The following USP13 variants were observed in gnomAD, a reference collection of about 807,000 sequenced individuals.
USP13 encodes ubiquitin specific peptidase 13.
A neutral mutation model predicts 107.8 loss-of-function variants in USP13; 68 were observed. The observed-to-expected ratio is 0.63, with a 90% CI of 0.52 to 0.77. USP13 has a LOEUF of 0.77. Ranked by LOEUF, USP13 falls within the 30% of genes least tolerant of loss-of-function variation. The pLI is 0.00. For missense variants in USP13, 945 were observed against 1,093.3 expected (o/e 0.86, Z 1.91); for synonymous variants, 377 against 389.5 (o/e 0.97, Z 0.38).
intron 2 of USP13, among the ~76,000 whole-genome samples, chr3:179,689,956 G>A (rs1325552725): frequency 6.6e-6 from 1 of 152,134 alleles, no homozygotes; most frequent in Non-Finnish European, 1.5e-5. Context: ...AGCAGGTGCT[G>A]ATTTGAAATT....
intron 19 of USP13, among the ~76,000 whole-genome samples, chr3:179,769,669 G>C (rs4854952): frequency 1.3e-5 from 2 of 152,102 alleles, no homozygotes; most frequent in East Asian, 3.9e-4. Context: ...TCTGCCTCTC[G>C]AAGTGTTAGG....
At chr3:179,667,677 G>A (rs147181561) in intron 1 of USP13, among the ~76,000 whole-genome samples, 155 of 152,086 alleles carry the variant, frequency 1.0e-3, no homozygotes, top group African/African-American at 3.5e-3. Context: ...ACAGAGTTTC[G>A]CTCTTCTTGC....
chr3:179,778,717 G>C (rs1027063433), intron 19 of USP13, among the ~76,000 whole-genome samples: 2 of 151,432 alleles, frequency 1.3e-5, no homozygotes, highest in Non-Finnish European at 2.9e-5. Flanking sequence ...AGTGAGCCGA[G>C]ATCACGCCAT....
intron 6 of USP13, among the ~76,000 whole-genome samples, chr3:179,715,541 T>A (rs948828485): frequency 6.6e-5 from 10 of 151,860 alleles, no homozygotes; most frequent in African/African-American, 2.4e-4. Context: ...ATTTTTGTAT[T>A]TTTAGTAGAG....
At chr3:179,761,298 C>T (rs1715003716) in intron 17 of USP13, 43 bp downstream of exon 17, 2 of 1,610,348 alleles carry the variant, frequency 1.2e-6, no homozygotes, top group South Asian at 1.1e-5. Flanking sequence ...TCTGATGTGA[C>T]CCTCAGTGAT....
rs555354046 is a variant in USP13, at chr3:179,769,548, C to T, written c.2413+3700C>T. Among the ~76,000 whole-genome samples the T allele has an allele frequency of 4.6e-5, 7 of 152,278 alleles. No individual in the cohort carries two copies. In the East Asian group the frequency reaches 1.2e-3, roughly 25 times the overall value. On this transcript the variant is annotated intron_variant, in intron 19 of 20. Coordinates refer to ENST00000263966, the MANE Select transcript of USP13 (RefSeq NM_003940.3). ...TCAGCCTCTCGAGTAACTGGCATTA[C>T]AGGCATGCACCATCATACCTGGCTA...
At position 179,727,808 on chromosome 3, in the gene USP13, C is replaced by A. The variant is rs1239771580; in HGVS notation, c.1089-2381C>A. On this transcript the variant is annotated intron_variant, in intron 8 of 20. Transcript: ENST00000263966. ...CTGGGCAGGGGGCTGACCCCCCCCC[C>A]ACCTCCCTCCCGGACGGGGCGGCTG... Among the ~76,000 whole-genome samples, 7 of 68,856 alleles carry A rather than the reference C, an allele frequency of 1.0e-4. 3 individuals carry two copies. The highest frequency in any genetic ancestry group is 1.0e-3 in the South Asian group (2 of 1,976). 45.2% of individuals were successfully genotyped at this position (68,856 alleles called of 152,430 possible).
At chr3:179,707,495 A>G (rs1481635115) in intron 5 of USP13, among the ~76,000 whole-genome samples, 1 of 152,066 alleles carries the variant, frequency 6.6e-6, no homozygotes, top group Non-Finnish European at 1.5e-5. Context: ...GTCTCTTGCA[A>G]TTCCCCATGT....
intron 9 of USP13, 71 bp from the exon 10 acceptor site, chr3:179,730,545 A>G (rs535076000): frequency 3.3e-5 from 42 of 1,280,694 alleles, no homozygotes; most frequent in Non-Finnish European, 4.4e-5. Context: ...ATTGATATTC[A>G]TAGATAAATT....
At chr3:179,734,791 T>C (rs540940510) in intron 10 of USP13, among the ~76,000 whole-genome samples, 59 of 152,240 alleles carry the variant, frequency 3.9e-4, no homozygotes, top group Non-Finnish European at 7.2e-4. Context: ...TCATACACTT[T>C]TGTTTTAGGG....
At chr3:179,753,567 C>A (rs567139221) in intron 14 of USP13, among the ~76,000 whole-genome samples, 26 of 152,272 alleles carry the variant, frequency 1.7e-4, no homozygotes, top group Admixed American at 1.4e-3. Flanking sequence ...TTTTAAGGAA[C>A]CTCAAAATGT....
intron 2 of USP13, among the ~76,000 whole-genome samples, chr3:179,684,948 C>G (rs1187695807): frequency 6.6e-6 from 1 of 152,022 alleles, no homozygotes; most frequent in East Asian, 1.9e-4. Context: ...TATAGATTAA[C>G]CTATAATCCA....
intron 12 of USP13, among the ~76,000 whole-genome samples, chr3:179,743,382 G>GTT (rs956359050): frequency 2.1e-5 from 3 of 139,806 alleles, no homozygotes; most frequent in East Asian, 2.2e-4. Flanking sequence ...TTTGTTTTTT[G>GTT]TTTTTTTTTT....
At position 179,740,323 on chromosome 3, in the gene USP13, G is replaced by A. The variant is rs1472289744; in HGVS notation, c.1331G>A (p.Arg444Lys). 37 of 1,613,966 alleles carry A rather than the reference G, an allele frequency of 2.3e-5. No individual in the cohort carries two copies. Among genetic ancestry groups the A allele is most frequent in the Non-Finnish European group, 3.1e-5 (37 of 1,180,042 alleles). ...AGCCACCCGGAATTCTCCTCTAACA[G>A]GCAGCAAGATGCCCAGGAATTCTTC... ...SKSHPEFSSN[R>K]QQDAQEFFLH... Residue 444 changes from arginine (R) to lysine (K), a missense_variant, in exon 11 of 21, where the codon AGG (arginine) becomes AAG (lysine). Arg to Lys is a conservative substitution (Grantham distance 26). Transcript: ENST00000263966.
intron 1 of USP13, among the ~76,000 whole-genome samples, chr3:179,664,320 C>T (rs561040939): frequency 3.3e-5 from 5 of 152,096 alleles, no homozygotes; most frequent in East Asian, 1.9e-4. Context: ...TCTCAAACTC[C>T]TGACCTCAAA....
At chr3:179,702,021 T>G (rs538776319) in intron 4 of USP13, among the ~76,000 whole-genome samples, 1 of 152,270 alleles carries the variant, frequency 6.6e-6, no homozygotes, top group East Asian at 1.9e-4. Context: ...TCTTTTTCTT[T>G]GTTTTTTTTC....
intron 2 of USP13, among the ~76,000 whole-genome samples, chr3:179,682,316 T>TA (rs34391474): frequency 0.56 from 84,437 of 149,632 alleles, 25,161 homozygotes; most frequent in Admixed American, 0.69. Flanking sequence ...CCAAAAATCA[T>TA]AAAAAAAAAC....
At chr3:179,769,729 GA>G (rs1198419566) in intron 19 of USP13, among the ~76,000 whole-genome samples, 1 of 152,096 alleles carries the variant, frequency 6.6e-6, no homozygotes, top group Non-Finnish European at 1.5e-5. Context: ...TTTCTTAAAG[GA>G]TGAATTCAAT....
chr3:179,709,162 G>C (rs1327989380), intron 6 of USP13, among the ~76,000 whole-genome samples: 1 of 152,172 alleles, frequency 6.6e-6, no homozygotes, highest in Non-Finnish European at 1.5e-5. Flanking sequence ...TGAGGATAAC[G>C]ATGATGATAC....
Sources: gnomAD v4.1 joint callset for allele counts (sites outside exome capture counted in the v4.1 genomes callset) on GRCh38, gnomAD v4.1.1 for gene constraint, MANE v1.5 for transcripts, NCBI Gene and HGNC (gene_info 2026-07-23, HGNC 2026-07-21) for gene names.